The following PBXIP1 variants were observed in gnomAD, a reference collection of about 807,000 sequenced individuals.
PBXIP1 encodes pre-B-cell leukemia transcription factor-interacting protein 1.
Under a neutral mutation model 73.7 loss-of-function variants are expected in PBXIP1, and 73 were observed. That is an observed-to-expected ratio of 0.99 (90% CI 0.82 to 1.20). The LOEUF (loss-of-function observed/expected upper bound fraction) is 1.20. Ranked by LOEUF, PBXIP1 falls within the 50% of genes most tolerant of loss-of-function variation. The pLI is 0.00. For missense variants in PBXIP1, 818 were observed against 911.4 expected (o/e 0.90, Z 1.32); for synonymous variants, 330 against 366.9 (o/e 0.90, Z 1.15).
chr1:154,947,556 C>A lies in PBXIP1; in HGVS notation c.739-8G>T. The A allele has an allele frequency of 1.2e-6, 2 of 1,602,840 alleles. No individual in the cohort carries two copies. The highest frequency in any genetic ancestry group is 1.1e-5 in the South Asian group (1 of 89,704). On this transcript the variant is annotated splice_polypyrimidine_tract_variant and splice_region_variant and intron_variant, in intron 8 of 10. Transcript: ENST00000368463. Reference sequence around the variant, plus strand: ...CTGTTCCCTTAGCCCATCCTGAGGGCAGAAGAGCCTGTTATGCCATGCTAC... The same window carrying A: ...CTGTTCCCTTAGCCCATCCTGAGGGAAGAAGAGCCTGTTATGCCATGCTAC...
intron 7 of PBXIP1, 130 bp downstream of exon 7, chr1:154,947,852 G>A: frequency 7.4e-7 from 1 of 1,352,314 alleles, no homozygotes; most frequent in Admixed American, 1.8e-5. Flanking sequence ...AGGGCCAAGG[G>A]GCACCCTGAA....
intron 1 of PBXIP1, among the ~76,000 whole-genome samples, chr1:154,954,431 A>G (rs994461600): frequency 4.6e-5 from 7 of 152,234 alleles, no homozygotes; most frequent in African/African-American, 1.7e-4. Flanking sequence ...GCCAGGGTTA[A>G]GAGCCACTGG....
chr1:154,950,175 C>T lies in PBXIP1; in HGVS notation c.409+1057G>A, dbSNP rs137945049. ...GGAAGTAGCTGGGACTACAGGCGTG[C>T]ACCACCACACCGAGCTAATTTTTGT... On this transcript the variant is annotated intron_variant, in intron 5 of 10. Transcript: ENST00000368463. 1,454 of 159,376 alleles carry T rather than the reference C, an allele frequency of 9.1e-3. 25 individuals are homozygous for T. Among genetic ancestry groups the T allele is most frequent in the African/African-American group, 0.033 (1,386 of 41,562 alleles). 9.9% of individuals were successfully genotyped at this position (159,376 alleles called of 1,614,324 possible).
chr1:154,945,489 A>G lies in PBXIP1; in HGVS notation c.2102+83T>C, dbSNP rs535445852. 6 of 1,399,364 alleles carry G rather than the reference A, an allele frequency of 4.3e-6. No individual in the cohort carries two copies. In the East Asian group the frequency reaches 1.4e-4, roughly 32 times the overall value. The allele number at this position is 1,399,364 out of a possible 1,614,324, so 86.7% of individuals were successfully genotyped here. A position where few individuals can be genotyped will look rare whatever the true frequency, so the allele number is the denominator to read the frequency against. ...AGCCAGCTGGGGACCAAAAGTAAGG[A>G]TACTCAAACTAATGATCCTTGCTCT... is the stretch of plus-strand genomic sequence containing the variant. On this transcript the variant is annotated intron_variant, in intron 10 of 10. Transcript: ENST00000368463.
chr1:154,951,316 T>C lies in PBXIP1; in HGVS notation c.325A>G (p.Thr109Ala). The C allele has an allele frequency of 6.2e-7, 1 of 1,614,062 alleles. No individual in the cohort carries two copies. The highest frequency in any genetic ancestry group is 8.5e-7 in the Non-Finnish European group (1 of 1,179,950). ...TCTGGTCCCAGGCCTGTCACCACGG[T>C]GGTCTCCTGCAGGTCTCCCTGGACT... ...TVVQGDLQET[T>A]VVTGLGPDTQ... The change falls in exon 5 of 11, where the codon ACC becomes GCC. Residue 109 changes from threonine to alanine, a missense_variant. Physicochemically the swap from Thr to Ala is moderately conservative, Grantham distance 58 (BLOSUM62 0). Transcript: ENST00000368463. This position sits in a 1 kb window ranked among gnomAD's most constrained non-coding sequence, Gnocchi z 4.3.
rs79076478 is a variant in PBXIP1, at chr1:154,946,201, T to C, written c.1473A>G (p.Lys491=). The C allele has an allele frequency of 1.2e-6, 2 of 1,614,126 alleles. No individual in the cohort carries two copies. Among genetic ancestry groups the C allele is most frequent in the East Asian group, 4.5e-5 (2 of 44,878 alleles). The change falls in exon 10 of 11, where the codon AAA becomes AAG. Residue 491 remains lysine, a synonymous_variant. Transcript: ENST00000368463. ...CCCGGCCAGATTCTTCCTTCTTATG[T>C]TTCCAGTGCTCAGCCTTCCGGTCTC... ...GQRDRKAEHW[K]HKKEESGRER...
At chr1:154,948,662 C>T (rs1654914591) in intron 5 of PBXIP1, among the ~76,000 whole-genome samples, 1 of 152,152 alleles carries the variant, frequency 6.6e-6, no homozygotes, top group Non-Finnish European at 1.5e-5. Context: ...GCAGCTATTA[C>T]CACCCTCCTG....
Position 154,951,965 on chromosome 1 carries a change from G to C in PBXIP1, c.52-44C>G. On this transcript the variant is annotated intron_variant, in intron 2 of 10. Coordinates refer to ENST00000368463, the MANE Select transcript of PBXIP1 (RefSeq NM_020524.4). This position sits in a 1 kb window ranked among gnomAD's most constrained non-coding sequence, Gnocchi z 4.3. ...GGAGAAGGGCTGCACCCAAGAATGGGGCCCCAGCCCACATCCCAGAAACAC... is the reference window on the plus strand; with the variant it reads ...GGAGAAGGGCTGCACCCAAGAATGGCGCCCCAGCCCACATCCCAGAAACAC... The C allele has an allele frequency of 6.4e-7, 1 of 1,574,106 alleles. No homozygotes were observed. The highest frequency in any genetic ancestry group is 8.6e-7 in the Non-Finnish European group (1 of 1,166,234).
At position 154,948,248 on chromosome 1, in the gene PBXIP1, C is replaced by G; in HGVS notation, c.528G>C (p.Leu176=). The change falls in exon 6 of 11, where the codon CTG becomes CTC. Residue 176 remains leucine, a synonymous_variant. Transcript: ENST00000368463. The part of the protein sequence containing the change: ...EAGPPQPMVP[L]AVENQAGGEG... ...CACCCCCAGCCTGGTTCTCCACAGC[C>G]AGGGGCACCATGGGCTGAGGTGGGC... The G allele has an allele frequency of 6.2e-7, 1 of 1,612,374 alleles. No homozygotes were observed. Among genetic ancestry groups the G allele is most frequent in the South Asian group, 1.1e-5 (1 of 90,844 alleles).
intron 10 of PBXIP1, 113 bp from the exon 11 acceptor site, chr1:154,945,230 G>T: frequency 1.4e-6 from 1 of 723,292 alleles, no homozygotes. Context: ...GCACCACCAA[G>T]CATATGTGGG....
At position 154,944,087 on chromosome 1, in the gene PBXIP1, T is replaced by C. The variant is rs1206911845; in HGVS notation, c.*937A>G. Reference sequence around the variant, plus strand: ...CCCAAAACAGGAGAGGCATTTTTCTTGCGTTGCTTTTATTTAATCACTTCC... The same window carrying C: ...CCCAAAACAGGAGAGGCATTTTTCTCGCGTTGCTTTTATTTAATCACTTCC... On this transcript the variant is annotated 3_prime_UTR_variant, in exon 11 of 11. Transcript: ENST00000368463. 2.6e-5 allele frequency: 4 copies of C among 152,300 alleles called. No individual in the cohort carries two copies. Among genetic ancestry groups the C allele is most frequent in the Non-Finnish European group, 5.9e-5 (4 of 68,014 alleles). 9.4% of individuals were successfully genotyped at this position (152,300 alleles called of 1,614,324 possible). A position where few individuals can be genotyped will look rare whatever the true frequency, so the allele number is the denominator to read the frequency against.
rs1265633437 is a variant in PBXIP1 at position 154,946,231 on chromosome 1, C to T, written c.1443G>A (p.Gly481=). Residue 481 remains glycine, a synonymous_variant, in exon 10 of 11, where the codon GGG becomes GGA. Coordinates refer to ENST00000368463, the MANE Select transcript of PBXIP1 (RefSeq NM_020524.4). ...AGTGCTCAGCCTTCCGGTCTCTCTG[C>T]CCATCCCACCACTTTTCCTTTCCAC... ...EWSGKEKWWD[G]QRDRKAEHWK... The T allele has an allele frequency of 6.2e-7, 1 of 1,614,140 alleles. No homozygotes were observed. The highest frequency in any genetic ancestry group is 8.5e-7 in the Non-Finnish European group (1 of 1,180,022).
chr1:154,946,245 T>C lies in PBXIP1; in HGVS notation c.1429A>G (p.Lys477Glu). ...QNSREWSGKE[K>E]WWDGQRDRKA... ...CGGTCTCTCTGCCCATCCCACCACT[T>C]TTCCTTTCCACTCCACTCCCTAGAA... Residue 477 changes from lysine (K) to glutamate (E), a missense_variant, in exon 10 of 11, where the codon AAG becomes GAG. Coordinates refer to ENST00000368463, the MANE Select transcript of PBXIP1 (RefSeq NM_020524.4). The C allele has an allele frequency of 6.2e-7, 1 of 1,614,150 alleles. No homozygotes were observed. Among genetic ancestry groups the C allele is most frequent in the African/African-American group, 1.3e-5 (1 of 75,042 alleles).
At position 154,947,431 on chromosome 1, in the gene PBXIP1, G is replaced by A; in HGVS notation, c.856C>T (p.Gln286Ter). The A allele has an allele frequency of 6.2e-7, 1 of 1,614,070 alleles. No individual in the cohort carries two copies. The highest frequency in any genetic ancestry group is 8.5e-7 in the Non-Finnish European group (1 of 1,179,978). ...CCTGTGCCCACCTGCAGCTGGGCCT[G>A]CAGCAGCCGGATGTCCTGGTTCTCC... is the stretch of plus-strand genomic sequence containing the variant. ...AKENQDIRLL[Q>*]AQLQAQKEEL... The change falls in exon 9 of 11, where the codon CAG (glutamine) becomes TAG (stop). Residue 286 changes from glutamine to a stop codon, truncating the protein, a stop_gained. Coordinates refer to ENST00000368463, the MANE Select transcript of PBXIP1 (RefSeq NM_020524.4). LOFTEE classifies it high-confidence loss of function.
At chr1:154,948,480 G>C (rs1654909258) in intron 5 of PBXIP1, 114 bp from the exon 6 acceptor site, 1 of 717,226 alleles carries the variant, frequency 1.4e-6, no homozygotes, top group Non-Finnish European at 2.3e-6. Flanking sequence ...CCTGACCCCA[G>C]AGAGGGGCAC....
chr1:154,955,830 A>C (rs1006527683), intron 1 of PBXIP1, among the ~76,000 whole-genome samples: 1 of 152,214 alleles, frequency 6.6e-6, no homozygotes, highest in African/African-American at 2.4e-5. Context: ...TCTCGCCTCT[A>C]GTTAATTTAA....
intron 1 of PBXIP1, 66 bp from the exon 2 acceptor site, chr1:154,953,823 C>T: frequency 9.4e-7 from 1 of 1,060,788 alleles, no homozygotes; most frequent in South Asian, 1.4e-5. Context: ...AGAAAGCAGC[C>T]TTGGCTGGGT....
chr1:154,947,593 G>C (rs1214541928), intron 8 of PBXIP1, 45 bp from the exon 9 acceptor site: 14 of 1,608,294 alleles, frequency 8.7e-6, no homozygotes, highest in Non-Finnish European at 1.2e-5. Flanking sequence ...CCACAGCCCA[G>C]GTTCTCCCCA....
chr1:154,949,646 G>A (rs1212653714), intron 5 of PBXIP1, among the ~76,000 whole-genome samples: 1 of 152,150 alleles, frequency 6.6e-6, no homozygotes, highest in African/African-American at 2.4e-5. Context: ...CACCTGGCAT[G>A]TTCTTTAAAT....
Sources: allele counts gnomAD v4.1 joint callset (sites outside exome capture counted in the v4.1 genomes callset), GRCh38; gene constraint gnomAD v4.1.1; non-coding constraint Gnocchi (gnomAD v3.1); transcripts MANE v1.5; gene names NCBI Gene and HGNC (gene_info 2026-07-23, HGNC 2026-07-21).